Variants in GLRA3 observed in about 807,000 individuals in gnomAD.
GLRA3 encodes glycine receptor alpha 3, also known as glycine receptor subunit alpha-3.
In GLRA3, 44 loss-of-function variants were observed where a neutral mutation model predicts 60.4. The observed-to-expected ratio is 0.73, with a 90% CI of 0.57 to 0.94. GLRA3 has a LOEUF of 0.94. Ranked by LOEUF, GLRA3 falls within the 40% of genes least tolerant of loss-of-function variation. GLRA3 has a pLI of 0.00. For missense variants in GLRA3, 508 were observed against 564.6 expected, an observed-to-expected ratio of 0.90 and a Z score of 1.02; for synonymous variants, 223 against 192.9, an observed-to-expected ratio of 1.16 and a Z score of -1.29.
intron 5 of GLRA3, among the ~76,000 whole-genome samples, chr4:174,709,958 GTTGA>G (rs1735650921): frequency 6.9e-6 from 1 of 145,924 alleles, no homozygotes; most frequent in Non-Finnish European, 1.5e-5. Flanking sequence ...AAAACATAAT[GTTGA>G]TTTTCTTTTT....
intron 2 of GLRA3, among the ~76,000 whole-genome samples, chr4:174,778,175 G>C (rs1375046452): frequency 2.0e-5 from 3 of 152,124 alleles, no homozygotes; most frequent in Non-Finnish European, 4.4e-5. Flanking sequence ...CCTGTGGTCT[G>C]CGCCTGGGGA....
intron 4 of GLRA3, among the ~76,000 whole-genome samples, chr4:174,727,963 C>T (rs1176157327): frequency 2.6e-5 from 4 of 151,990 alleles, no homozygotes; most frequent in South Asian, 2.1e-4. Flanking sequence ...CAAATCATCA[C>T]TTTGCAGCAT....
chr4:174,791,936 C>G (rs1739362743), intron 1 of GLRA3, among the ~76,000 whole-genome samples: 1 of 152,102 alleles, frequency 6.6e-6, no homozygotes, highest in African/African-American at 2.4e-5. Context: ...ATTAGAATAT[C>G]TACTTGGTTA....
chr4:174,816,111 G>T (rs1039505684), intron 1 of GLRA3, among the ~76,000 whole-genome samples: 1 of 152,188 alleles, frequency 6.6e-6, no homozygotes, highest in Non-Finnish European at 1.5e-5. Context: ...GTGGAAGACA[G>T]TGTTTGTAGT....
chr4:174,791,356 C>T (rs1739339378), intron 1 of GLRA3, among the ~76,000 whole-genome samples: 1 of 152,032 alleles, frequency 6.6e-6, no homozygotes, highest in African/African-American at 2.4e-5. Flanking sequence ...TAGCACGGAC[C>T]TACTCACACC....
intron 5 of GLRA3, among the ~76,000 whole-genome samples, chr4:174,691,291 CAG>C (rs1734784476): frequency 1.2e-4 from 19 of 152,118 alleles, no homozygotes; most frequent in Admixed American, 1.2e-3. Flanking sequence ...CTCTAATGGT[CAG>C]TGATGTTGAA....
At chr4:174,815,683 C>T (rs2111381891) in intron 1 of GLRA3, among the ~76,000 whole-genome samples, 1 of 152,284 alleles carries the variant, frequency 6.6e-6, no homozygotes, top group East Asian at 1.9e-4. Context: ...TACCTTGGCC[C>T]ATTTTAGTAA....
intron 1 of GLRA3, among the ~76,000 whole-genome samples, chr4:174,795,564 A>G (rs1238206813): frequency 2.0e-5 from 3 of 152,198 alleles, no homozygotes; most frequent in African/African-American, 7.2e-5. Context: ...ACAAACTTTT[A>G]TAAGCCTTTT....
At chr4:174,644,115 A>G in intron 9 of GLRA3, 51 bp from the exon 10 acceptor site, 1 of 1,015,584 alleles carries the variant, frequency 9.8e-7, no homozygotes. Context: ...TAGAGCATGT[A>G]TAACAGGCAT....
At chr4:174,771,138 C>T (rs569805376) in intron 2 of GLRA3, among the ~76,000 whole-genome samples, 242 of 151,334 alleles carry the variant, frequency 1.6e-3, no homozygotes, top group African/African-American at 5.1e-3. Context: ...TGCTAAATGA[C>T]GAGTTAATGG....
Position 174,828,817 on chromosome 4 carries a change from G to C in GLRA3, c.-6C>G. Reference sequence around the variant, plus strand: ...AAGTGTCTCACGTGGGCCATGATACGGAGAGATATTCACGATCCTGAAAAT... The same window carrying C: ...AAGTGTCTCACGTGGGCCATGATACCGAGAGATATTCACGATCCTGAAAAT... On this transcript the variant is annotated 5_prime_UTR_variant, in exon 1 of 10. Transcript: ENST00000274093. The C allele has an allele frequency of 6.3e-7, 1 of 1,592,718 alleles. No homozygotes were observed. Among genetic ancestry groups the C allele is most frequent in the Non-Finnish European group, 8.6e-7 (1 of 1,160,536 alleles).
intron 9 of GLRA3, among the ~76,000 whole-genome samples, chr4:174,655,249 G>C (rs116678420): frequency 2.3e-4 from 35 of 152,152 alleles, no homozygotes; most frequent in African/African-American, 8.4e-4. Flanking sequence ...AAAATACATA[G>C]TTTTAAATGA....
chr4:174,777,136 C>T (rs922467738), intron 2 of GLRA3, among the ~76,000 whole-genome samples: 6 of 151,960 alleles, frequency 3.9e-5, no homozygotes, highest in African/African-American at 7.3e-5. Flanking sequence ...CAAAAATCCT[C>T]CTACTGAAAA....
At chr4:174,647,641 A>G (rs34024947) in intron 9 of GLRA3, among the ~76,000 whole-genome samples, 13,054 of 152,260 alleles carry the variant, frequency 0.086, 834 homozygotes, top group Middle Eastern at 0.15. Flanking sequence ...AGCCACAAAT[A>G]AAAGCCATGT....
chr4:174,654,119 C>G (rs112512422), intron 9 of GLRA3, among the ~76,000 whole-genome samples: 2,947 of 152,154 alleles, frequency 0.019, 37 homozygotes, highest in Middle Eastern at 0.044. Context: ...AACATCTTAG[C>G]TCTAGAATAG....
At chr4:174,731,992 A>C (rs557921674) in intron 3 of GLRA3, among the ~76,000 whole-genome samples, 5 of 152,356 alleles carry the variant, frequency 3.3e-5, no homozygotes, top group African/African-American at 1.2e-4. Flanking sequence ...GAGACTTTTG[A>C]TGATATCAGA....
intron 5 of GLRA3, among the ~76,000 whole-genome samples, chr4:174,690,500 T>C (rs1439526473): frequency 6.6e-6 from 1 of 152,210 alleles, no homozygotes; most frequent in Non-Finnish European, 1.5e-5. Flanking sequence ...TATTATTGTA[T>C]TTATTTATTC....
At chr4:174,754,928 G>A (rs12645532) in intron 3 of GLRA3, among the ~76,000 whole-genome samples, 76,008 of 151,850 alleles carry the variant, frequency 0.5, 19,298 homozygotes, top group Middle Eastern at 0.64. Flanking sequence ...ATAAACATGC[G>A]TGAAAGAGCA....
rs370405675 is a variant in GLRA3 at position 174,640,439 on chromosome 4, C to A, written c.*3347G>T. The A allele has an allele frequency of 7.2e-5, 11 of 151,972 alleles. No individual in the cohort carries two copies. Among genetic ancestry groups the A allele is most frequent in the African/African-American group, 2.2e-4 (9 of 41,472 alleles). The allele number at this position is 151,972 out of a possible 1,614,324, so 9.4% of individuals were successfully genotyped here. A position where few individuals can be genotyped will look rare whatever the true frequency, so the allele number is the denominator to read the frequency against. On this transcript the variant is annotated 3_prime_UTR_variant, in exon 10 of 10. Coordinates refer to ENST00000274093, the MANE Select transcript of GLRA3 (RefSeq NM_006529.4). ...GCTGCCAGTATAATATTCAGTCCTC[C>A]CAAGTAACCAGCAGGTTGAAGTATG...
Sources: allele counts gnomAD v4.1 joint callset (sites outside exome capture counted in the v4.1 genomes callset), GRCh38; gene constraint gnomAD v4.1.1; transcripts MANE v1.5; gene names NCBI Gene and HGNC (gene_info 2026-07-23, HGNC 2026-07-21).